The following GPHN variants were observed in gnomAD, a reference collection of about 807,000 sequenced individuals.
GPHN encodes gephyrin.
Under a neutral mutation model 95.5 loss-of-function variants are expected in GPHN, and 17 were observed. The observed-to-expected ratio is 0.18, with a 90% CI of 0.12 to 0.27. GPHN has a LOEUF of 0.27. Ranked by LOEUF, GPHN falls within the 10% of genes least tolerant of loss-of-function variation. The pLI, the probability that GPHN is intolerant of heterozygous loss-of-function variation, is 1.00. For synonymous variants in GPHN, 320 were observed against 322.5 expected (o/e 0.99, Z 0.08); for missense variants, 660 against 978.1 (o/e 0.67, Z 4.34).
chr14:67,661,278 CAAAAAA>C, the GPHN span, among the ~76,000 whole-genome samples: 1 of 56,548 alleles, frequency 1.8e-5, no homozygotes, highest in African/African-American at 8.3e-5. Context: ...AGGGCTAGAG[CAAAAAA>C]AAAAAAAAAA....
intron 1 of GPHN, among the ~76,000 whole-genome samples, chr14:66,591,199 A>C (rs142183767): frequency 0.012 from 1,846 of 152,330 alleles, 23 homozygotes; most frequent in Non-Finnish European, 0.018. Flanking sequence ...AGCCAATATA[A>C]TACTGAATGG....
the GPHN span, among the ~76,000 whole-genome samples, chr14:67,403,606 T>C: frequency 1.3e-5 from 2 of 152,188 alleles, no homozygotes; most frequent in South Asian, 2.1e-4. Context: ...GAATCCTAAC[T>C]GATAGCAAAG....
chr14:67,694,230 A>G, the GPHN span, among the ~76,000 whole-genome samples: 4 of 152,050 alleles, frequency 2.6e-5, no homozygotes, highest in Non-Finnish European at 5.9e-5. Flanking sequence ...CCCACAAACC[A>G]TCACCTCCCT....
chr14:66,705,408 A>T (rs914844599), intron 2 of GPHN, among the ~76,000 whole-genome samples: 7 of 152,204 alleles, frequency 4.6e-5, no homozygotes, highest in African/African-American at 1.7e-4. Flanking sequence ...TTGATGCAAA[A>T]ATCATCGATA....
the GPHN span, among the ~76,000 whole-genome samples, chr14:67,621,831 T>C: frequency 1.3e-5 from 2 of 151,532 alleles, no homozygotes; most frequent in Non-Finnish European, 2.9e-5. Context: ...GTGCGGTGGC[T>C]CATGCCTGTA....
chr14:66,799,723 G>C (rs534112025), intron 3 of GPHN, among the ~76,000 whole-genome samples: 1 of 151,688 alleles, frequency 6.6e-6, no homozygotes, highest in Non-Finnish European at 1.5e-5. Context: ...TGTTCTTCTC[G>C]TAGGCAACAG....
chr14:67,735,018 A>C, the GPHN span, among the ~76,000 whole-genome samples: 2 of 152,232 alleles, frequency 1.3e-5, no homozygotes, highest in African/African-American at 2.4e-5. Flanking sequence ...TTAAATCTGA[A>C]AGTTTCCATC....
At chr14:66,569,832 A>G (rs914261155) in intron 1 of GPHN, among the ~76,000 whole-genome samples, 7 of 152,044 alleles carry the variant, frequency 4.6e-5, no homozygotes, top group African/African-American at 1.7e-4. Context: ...AGCAATTTGA[A>G]GTGTACAATA....
chr14:66,777,366 G>A (rs1164734847), intron 3 of GPHN, among the ~76,000 whole-genome samples: 1 of 152,126 alleles, frequency 6.6e-6, no homozygotes, highest in Non-Finnish European at 1.5e-5. Flanking sequence ...AGGACCAGAT[G>A]GATTCACAGC....
the GPHN span, chr14:67,656,389 C>T: frequency 6.4e-7 from 1 of 1,556,948 alleles, no homozygotes; most frequent in Non-Finnish European, 8.7e-7. Flanking sequence ...CCCATACTTG[C>T]CCCTTTCCCT....
intron 18 of GPHN, among the ~76,000 whole-genome samples, chr14:67,148,557 G>GTTTTTTTTT (rs1297273978): frequency 1.6e-5 from 2 of 124,786 alleles, no homozygotes; most frequent in Non-Finnish European, 3.2e-5. Flanking sequence ...GACTTTATTT[G>GTTTTTTTTT]CTTTTTTTTT....
chr14:66,975,744 G>T (rs1036163424), intron 9 of GPHN, among the ~76,000 whole-genome samples: 4 of 152,048 alleles, frequency 2.6e-5, no homozygotes, highest in East Asian at 1.9e-4. Flanking sequence ...AATTAGCTGG[G>T]CATGGTGGTA....
At chr14:67,618,303 G>GTA in the GPHN span, among the ~76,000 whole-genome samples, 1 of 152,126 alleles carries the variant, frequency 6.6e-6, no homozygotes, top group African/African-American at 2.4e-5. Context: ...TGGGGCCCAA[G>GTA]AATTTGCACT....
At chr14:66,826,560 G>C (rs1357565661) in intron 4 of GPHN, among the ~76,000 whole-genome samples, 1 of 152,146 alleles carries the variant, frequency 6.6e-6, no homozygotes, top group East Asian at 1.9e-4. Context: ...TACAAAGTCA[G>C]TTGGTTCCCA....
chr14:67,292,768 G>T, the GPHN span: 1 of 1,392,084 alleles, frequency 7.2e-7, no homozygotes. Context: ...ATTAGTAGTG[G>T]CAGGAAGGCA....
the GPHN span, chr14:67,729,302 C>T: frequency 1.2e-6 from 2 of 1,602,472 alleles, no homozygotes; most frequent in South Asian, 1.1e-5. Flanking sequence ...TTTGTCAAGA[C>T]GGCACGGGAG....
chr14:67,584,203 G>A, the GPHN span: 1 of 1,462,074 alleles, frequency 6.8e-7, no homozygotes, highest in Non-Finnish European at 9.4e-7. Flanking sequence ...CCAATTTGCA[G>A]CCCCTACCTC....
chr14:67,618,215 C>A, the GPHN span, among the ~76,000 whole-genome samples: 1 of 152,156 alleles, frequency 6.6e-6, no homozygotes, highest in Admixed American at 6.5e-5. Flanking sequence ...CACGCCCCCA[C>A]CCATTCCTGG....
intron 13 of GPHN, among the ~76,000 whole-genome samples, chr14:67,102,119 G>A (rs986481956): frequency 6.6e-6 from 1 of 151,684 alleles, no homozygotes; most frequent in East Asian, 2.0e-4. Flanking sequence ...TGATCCGCCC[G>A]CCTCGGCCTT....
Sources: gnomAD v4.1 joint callset for allele counts (sites outside exome capture counted in the v4.1 genomes callset) on GRCh38, gnomAD v4.1.1 for gene constraint, MANE v1.5 for transcripts, NCBI Gene and HGNC (gene_info 2026-07-23, HGNC 2026-07-21) for gene names.